Variants in DROSHA observed in about 807,000 individuals in gnomAD.
DROSHA encodes drosha ribonuclease III.
A neutral mutation model predicts 181.9 loss-of-function variants in DROSHA; 56 were observed. The ratio of observed to expected loss-of-function variants is 0.31; its 90% CI spans 0.25 to 0.38. DROSHA has a LOEUF of 0.38. DROSHA is among the 10% of genes least tolerant of loss of function. The pLI is 1.00. For synonymous variants in DROSHA, 524 were observed against 591.2 expected, an observed-to-expected ratio of 0.89 and a Z score of 1.65; for missense variants, 1,218 against 1,743.5, an observed-to-expected ratio of 0.70 and a Z score of 5.37.
chr5:31,497,142 G>A (rs749946217), intron 11 of DROSHA, among the ~76,000 whole-genome samples: 63 of 152,202 alleles, frequency 4.1e-4, no homozygotes, highest in Non-Finnish European at 7.1e-4. Flanking sequence ...TGGGGTACGT[G>A]GCACCCAGCA....
rs1219070029 is a variant in DROSHA at position 31,522,920 on chromosome 5, G to A, written c.855-1705C>T. Among the ~76,000 whole-genome samples the A allele has an allele frequency of 2.0e-5, 3 of 152,164 alleles. No individual in the cohort carries two copies. In the East Asian group the frequency reaches 5.8e-4, roughly 29 times the overall value. On this transcript the variant is annotated intron_variant, in intron 5 of 35. Coordinates refer to ENST00000344624, the MANE Select transcript of DROSHA (RefSeq NM_001382508.1). ...TTTTCACAGACCTTTTCTAAAAACA[G>A]TCCACCCTAAGACAATCTTGCAATT...
chr5:31,480,312 C>T (rs1298977200), intron 16 of DROSHA, among the ~76,000 whole-genome samples: 1 of 150,918 alleles, frequency 6.6e-6, no homozygotes, highest in Non-Finnish European at 1.5e-5. Flanking sequence ...TTAAGTGCAA[C>T]AGGATATGAT....
chr5:31,449,277 A>AT lies in DROSHA; in HGVS notation c.2821+3dup, dbSNP rs771590369. ...ATTCACATCTTAAAATCATCCAGAC[A>AT]TACCTTTCTTCCGCATGTGCATGTG... On this transcript the variant is annotated splice_donor_region_variant and intron_variant, in intron 22 of 35. Transcript: ENST00000344624. 1 of 1,613,816 alleles carries AT rather than the reference A, an allele frequency of 6.2e-7. No individual in the cohort carries two copies. Among genetic ancestry groups the AT allele is most frequent in the Non-Finnish European group, 8.5e-7 (1 of 1,179,810 alleles).
At chr5:31,476,860 C>T (rs750406197) in intron 16 of DROSHA, among the ~76,000 whole-genome samples, 3 of 152,174 alleles carry the variant, frequency 2.0e-5, no homozygotes, top group Non-Finnish European at 2.9e-5. Context: ...AGACTAATAA[C>T]TTGGCCACTC....
At chr5:31,505,177 G>A (rs1737778386) in intron 10 of DROSHA, among the ~76,000 whole-genome samples, 1 of 152,104 alleles carries the variant, frequency 6.6e-6, no homozygotes, top group South Asian at 2.1e-4. Flanking sequence ...CACGAACTCC[G>A]CCCACAAGGC....
At chr5:31,419,974 CTT>C (rs1263518251) in intron 30 of DROSHA, among the ~76,000 whole-genome samples, 1 of 151,698 alleles carries the variant, frequency 6.6e-6, no homozygotes, top group African/African-American at 2.4e-5. Context: ...GGTAATCAAA[CTT>C]AATATAAAAA....
At chr5:31,454,338 A>C (rs1747387302) in intron 20 of DROSHA, among the ~76,000 whole-genome samples, 1 of 152,198 alleles carries the variant, frequency 6.6e-6, no homozygotes, top group Non-Finnish European at 1.5e-5. Context: ...TTGGGAGTGA[A>C]AGCCACATTT....
Position 31,495,351 on chromosome 5 carries a change from T to A in DROSHA, c.1690A>T (p.Met564Leu). ...AAAAGTCTGCCAGCATTGTTGGTCA[T>A]AGGACGACAGGGCTTGATGGCCTGA... ...GEEAIKPCRP[M>L]TNNAGRLFHY... Residue 564 changes from methionine to leucine, a missense_variant, in exon 12 of 36, where the codon ATG (methionine) becomes TTG (leucine). Around this residue, in one of 8 missense-constraint regions of DROSHA, gnomAD observed 460 missense variants for 774.2 expected, o/e 0.59. Transcript: ENST00000344624. 6.2e-7 allele frequency: 1 copy of A among 1,613,862 alleles called. No homozygotes were observed. The highest frequency in any genetic ancestry group is 8.5e-7 in the Non-Finnish European group (1 of 1,179,822).
In DROSHA at chr5:31,480,178, GTATATATATATATATATA is replaced by G. The variant is rs55828936; in HGVS notation, c.2071+3358_2071+3375del. The stretch of plus-strand genomic sequence containing the variant: ...GCCCGTTTTTCTATTGGCAATGTCA[GTATATATATATATATATA>G]TATATATACTGAAAATACTCAAATG... On this transcript the variant is annotated intron_variant, in intron 16 of 35. Transcript: ENST00000344624. Among the ~76,000 whole-genome samples, 7 of 84,898 alleles carry G rather than the reference GTATATATATATATATATA, an allele frequency of 8.2e-5. 2 individuals carry two copies. The highest frequency in any genetic ancestry group is 2.7e-4 in the East Asian group (1 of 3,728). 55.7% of individuals were successfully genotyped at this position (84,898 alleles called of 152,430 possible). A position where few individuals can be genotyped will look rare whatever the true frequency, so the allele number is the denominator to read the frequency against.
intron 20 of DROSHA, among the ~76,000 whole-genome samples, chr5:31,459,417 A>T (rs1423604206): frequency 1.5e-4 from 4 of 27,118 alleles, no homozygotes; most frequent in Non-Finnish European, 4.5e-4. Context: ...CATGTCTTAA[A>T]AAAAAAAAAA....
At chr5:31,433,781 C>T (rs1373525982) in intron 25 of DROSHA, among the ~76,000 whole-genome samples, 2 of 152,128 alleles carry the variant, frequency 1.3e-5, no homozygotes, top group South Asian at 2.1e-4. Context: ...CTCCTGACCT[C>T]GTGATCTGCC....
intron 30 of DROSHA, among the ~76,000 whole-genome samples, chr5:31,416,003 T>C (rs1741895532): frequency 6.6e-6 from 1 of 152,200 alleles, no homozygotes; most frequent in African/African-American, 2.4e-5. Flanking sequence ...GAGTAGGCCT[T>C]TTGAATAGCC....
At position 31,464,313 on chromosome 5, in the gene DROSHA, T is replaced by C; in HGVS notation, c.2497A>G (p.Thr833Ala). Residue 833 changes from threonine (T) to alanine (A), a missense_variant, in exon 20 of 36, where the codon ACA becomes GCA. By Grantham distance (58) the Thr-to-Ala change is moderately conservative. This residue lies in a region of DROSHA where 460 missense variants were observed against 774.2 expected (regional missense o/e 0.59). Transcript: ENST00000344624. ...TCCACCGTTACTTCTCGTCTCATTG[T>C]ATTCTTCTGCCGTATTTTTTGGAGG... The part of the protein sequence containing the change: ...EALQKIRQKN[T>A]MRREVTVELS... 6.2e-7 allele frequency: 1 copy of C among 1,613,448 alleles called. No individual in the cohort carries two copies. The highest frequency in any genetic ancestry group is 1.3e-5 in the African/African-American group (1 of 74,960).
At chr5:31,530,650 A>T (rs1741191129) in intron 3 of DROSHA, 148 bp downstream of exon 3, 1 of 383,878 alleles carries the variant, frequency 2.6e-6, no homozygotes, top group East Asian at 3.7e-5. Flanking sequence ...AAAAAAAAAA[A>T]ATCTCCCAAC....
At chr5:31,529,722 CAAAAAAACAAACAA>C (rs1741024990) in intron 3 of DROSHA, among the ~76,000 whole-genome samples, 1 of 71,584 alleles carries the variant, frequency 1.4e-5, no homozygotes. Context: ...GCGACAGTCT[CAAAAAAACAAACAA>C]AAAAAAAAAA....
chr5:31,478,815 G>T (rs979117330), intron 16 of DROSHA, among the ~76,000 whole-genome samples: 3 of 152,192 alleles, frequency 2.0e-5, no homozygotes, highest in African/African-American at 7.2e-5. Flanking sequence ...AGTACTGTTG[G>T]TCAGAACTAC....
At chr5:31,510,630 C>T (rs961010811) in intron 9 of DROSHA, among the ~76,000 whole-genome samples, 1 of 152,218 alleles carries the variant, frequency 6.6e-6, no homozygotes, top group Admixed American at 6.5e-5. Context: ...TGGAGAGAAA[C>T]CTTCAAACAG....
chr5:31,406,202 G>C (rs1290893161), intron 34 of DROSHA, among the ~76,000 whole-genome samples: 1 of 152,094 alleles, frequency 6.6e-6, no homozygotes, highest in African/African-American at 2.4e-5. Context: ...CAGGTGAGTA[G>C]TAGTAAATCG....
chr5:31,474,642 T>G (rs1750152456), intron 16 of DROSHA, among the ~76,000 whole-genome samples: 1 of 152,042 alleles, frequency 6.6e-6, no homozygotes, highest in Non-Finnish European at 1.5e-5. Flanking sequence ...GGGATTACAG[T>G]GTGAGCCACG....
Sources: gnomAD v4.1 joint callset for allele counts (sites outside exome capture counted in the v4.1 genomes callset) on GRCh38, gnomAD v4.1.1 for gene constraint, gnomAD v4.1.1 regional missense constraint, MANE v1.5 for transcripts, NCBI Gene and HGNC (gene_info 2026-07-23, HGNC 2026-07-21) for gene names.